The following FNDC3B variants were observed in gnomAD, a reference collection of about 807,000 sequenced individuals.
The protein encoded by FNDC3B is fibronectin type III domain-containing protein 3B.
In FNDC3B, 12 loss-of-function variants were observed where a neutral mutation model predicts 151.5. That is an observed-to-expected ratio of 0.08 (90% CI 0.05 to 0.13). FNDC3B has a LOEUF of 0.13. Ranked by LOEUF, FNDC3B falls within the 10% of genes least tolerant of loss-of-function variation. FNDC3B has a pLI of 1.00. For synonymous variants in FNDC3B, 528 were observed against 549.0 expected (o/e 0.96, Z 0.54); for missense variants, 1,214 against 1,505.3 (o/e 0.81, Z 3.20).
At chr3:172,186,224 A>G (rs577287897) in intron 3 of FNDC3B, among the ~76,000 whole-genome samples, 2 of 152,326 alleles carry the variant, frequency 1.3e-5, no homozygotes, top group Admixed American at 6.5e-5. Context: ...TTTCTTTACT[A>G]TATGGAAACT....
At chr3:172,184,271 C>T (rs184613209) in intron 3 of FNDC3B, 1 of 152,184 alleles carries the variant, frequency 6.6e-6, no homozygotes, top group African/African-American at 2.4e-5. Flanking sequence ...CTCACCATGC[C>T]AGGCTTGGTT....
In FNDC3B at chr3:172,110,869, G is replaced by A. The variant is rs115469291; in HGVS notation, c.-28-1583G>A. Reference sequence around the variant, plus strand: ...AGCACTTTGGGAGGCCGAGGTAGGTGGATCACCTGAGGTCATGTCAGGAGT... The same window carrying A: ...AGCACTTTGGGAGGCCGAGGTAGGTAGATCACCTGAGGTCATGTCAGGAGT... On this transcript the variant is annotated intron_variant, in intron 1 of 25. Coordinates refer to ENST00000415807, the MANE Select transcript of FNDC3B (RefSeq NM_022763.4). 7.0e-3 allele frequency among the ~76,000 whole-genome samples: 1,063 copies of A among 152,196 alleles called. 6 individuals are homozygous for A. Among genetic ancestry groups the A allele is most frequent in the Middle Eastern group, 0.014 (4 of 294 alleles).
At chr3:172,375,724 T>G in intron 23 of FNDC3B, among the ~76,000 whole-genome samples, 1 of 152,162 alleles carries the variant, frequency 6.6e-6, no homozygotes, top group East Asian at 1.9e-4. Flanking sequence ...GACAGTGGGC[T>G]ACATTAGAGG....
intron 25 of FNDC3B, among the ~76,000 whole-genome samples, chr3:172,392,974 T>C (rs1486955616): frequency 6.6e-6 from 1 of 151,972 alleles, no homozygotes; most frequent in Non-Finnish European, 1.5e-5. Context: ...GGCTAATTTT[T>C]GTATTTTTAG....
intron 1 of FNDC3B, among the ~76,000 whole-genome samples, chr3:172,080,503 C>A (rs535588909): frequency 6.6e-6 from 1 of 151,868 alleles, no homozygotes; most frequent in South Asian, 2.1e-4. Flanking sequence ...GTCTTGAACT[C>A]CTGGTCTCAG....
intron 9 of FNDC3B, among the ~76,000 whole-genome samples, chr3:172,299,919 G>T (rs146327281): frequency 5.9e-5 from 9 of 152,192 alleles, no homozygotes; most frequent in African/African-American, 1.7e-4. Context: ...AAGGATGTGC[G>T]TTGAGGATGT....
chr3:172,389,253 A>G (rs1735881450), intron 25 of FNDC3B, among the ~76,000 whole-genome samples: 1 of 152,170 alleles, frequency 6.6e-6, no homozygotes. Flanking sequence ...AAAAATTGAG[A>G]CATTACATTT....
chr3:172,116,673 C>T (rs1341974606), intron 2 of FNDC3B, among the ~76,000 whole-genome samples: 3 of 152,160 alleles, frequency 2.0e-5, no homozygotes, highest in Non-Finnish European at 4.4e-5. Context: ...TCAAGCAATT[C>T]TCCTGCCTCA....
At position 172,356,041 on chromosome 3, in the gene FNDC3B, G is replaced by C. The variant is rs544708700; in HGVS notation, c.2795+2958G>C. ...ACCAAAACTTAAAGTAGATTTGTTT[G>C]TTTTGCTCATTTGTACTCCTTTTGC... is the stretch of plus-strand genomic sequence containing the variant. On this transcript the variant is annotated intron_variant, in intron 22 of 25. Transcript: ENST00000415807. Among the ~76,000 whole-genome samples, 16 of 152,238 alleles carry C rather than the reference G, an allele frequency of 1.1e-4. 1 individual carries two copies. The highest frequency in any genetic ancestry group is 8.3e-4 in the South Asian group (4 of 4,826).
chr3:172,147,677 TC>T (rs1448660348), intron 3 of FNDC3B, among the ~76,000 whole-genome samples: 1 of 152,070 alleles, frequency 6.6e-6, no homozygotes, highest in Non-Finnish European at 1.5e-5. Context: ...CTGATTCAGG[TC>T]TGGGGTGGGT....
chr3:172,307,451 C>A lies in FNDC3B; in HGVS notation c.1150C>A (p.Pro384Thr). ...THSCAPECPF[P>T]PKLAHRSKSS... ...CAGCTGTGCACCCGAGTGTCCTTTC[C>A]CCCCTAAGCTGGCACATAGGAGCAA... The change falls in exon 10 of 26, where the codon CCC (proline) becomes ACC (threonine). Residue 384 changes from proline (P) to threonine (T), a missense_variant. Around this residue, in one of 7 missense-constraint regions of FNDC3B, gnomAD observed 156 missense variants for 225.3 expected, o/e 0.69. Transcript: ENST00000415807. The A allele has an allele frequency of 6.2e-7, 1 of 1,614,054 alleles. No homozygotes were observed. Among genetic ancestry groups the A allele is most frequent in the Admixed American group, 1.7e-5 (1 of 60,024 alleles).
chr3:172,336,038 A>G (rs1732946186), intron 15 of FNDC3B, among the ~76,000 whole-genome samples: 1 of 152,178 alleles, frequency 6.6e-6, no homozygotes, highest in African/African-American at 2.4e-5. Flanking sequence ...CTCTCAAAGA[A>G]CCTCAGAAAG....
intron 25 of FNDC3B, among the ~76,000 whole-genome samples, chr3:172,382,936 G>A (rs1735534575): frequency 6.6e-6 from 1 of 152,134 alleles, no homozygotes; most frequent in Non-Finnish European, 1.5e-5. Context: ...GCTTAGGATT[G>A]TCTTGGCTAT....
rs1054443977 is a variant in FNDC3B, at chr3:172,385,427, C to T, written c.3303+4334C>T. 3.3e-5 allele frequency among the ~76,000 whole-genome samples: 5 copies of T among 152,200 alleles called. No homozygotes were observed. The East Asian group carries it at 9.6e-4, about 29-fold the overall frequency. On this transcript the variant is annotated intron_variant, in intron 25 of 25. Coordinates refer to ENST00000415807, the MANE Select transcript of FNDC3B (RefSeq NM_022763.4). The stretch of plus-strand genomic sequence containing the variant: ...ATAGTTTGACACTCAGTAAATGTTT[C>T]CTGCATGCATGAAAGACGCAGCTTC...
At chr3:172,169,440 A>C (rs951638308) in intron 3 of FNDC3B, among the ~76,000 whole-genome samples, 2 of 152,318 alleles carry the variant, frequency 1.3e-5, no homozygotes, top group Non-Finnish European at 2.9e-5. Flanking sequence ...GCAGGGGTTA[A>C]ATGCTTCCTA....
intron 3 of FNDC3B, among the ~76,000 whole-genome samples, chr3:172,209,404 G>A (rs935826374): frequency 3.3e-5 from 5 of 152,218 alleles, no homozygotes; most frequent in Non-Finnish European, 5.9e-5. Flanking sequence ...GAAGTTACAC[G>A]GGCAACTGGA....
rs118033303 is a variant in FNDC3B at position 172,266,170 on chromosome 3, G to T, written c.790+14629G>T. 7.9e-5 allele frequency among the ~76,000 whole-genome samples: 12 copies of T among 152,286 alleles called. No homozygotes were observed. The East Asian group carries it at 2.3e-3, about 29-fold the overall frequency. ...TTGTAATAAACTCTAGCACAGTCTT[G>T]CCACTTGAGCTCAGTTCCTTTGATT... On this transcript the variant is annotated intron_variant, in intron 6 of 25. Transcript: ENST00000415807.
chr3:172,377,787 G>C (rs1160188684), intron 23 of FNDC3B, among the ~76,000 whole-genome samples: 2 of 152,102 alleles, frequency 1.3e-5, no homozygotes, highest in Admixed American at 1.3e-4. Context: ...AAAGCTCTTG[G>C]TAAGATCGAT....
intron 1 of FNDC3B, among the ~76,000 whole-genome samples, chr3:172,070,476 C>G (rs1717715095): frequency 6.6e-6 from 1 of 152,192 alleles, no homozygotes. Context: ...AAAGGATCAA[C>G]ACTCCCCTGG....
Sources: allele counts gnomAD v4.1 joint callset (sites outside exome capture counted in the v4.1 genomes callset), GRCh38; gene constraint gnomAD v4.1.1; regional missense constraint gnomAD v4.1.1; transcripts MANE v1.5; gene names NCBI Gene and HGNC (gene_info 2026-07-23, HGNC 2026-07-21).